The following IGF2R variants were observed in gnomAD, a reference collection of about 807,000 sequenced individuals.
IGF2R encodes insulin like growth factor 2 receptor, also known as cation-independent mannose-6-phosphate receptor.
IGF2R carries 91 observed loss-of-function variants against 270.6 expected under a neutral mutation model. That is an observed-to-expected ratio of 0.34 (90% CI 0.28 to 0.40). The LOEUF (loss-of-function observed/expected upper bound fraction) is 0.40, where lower values mean the gene tolerates loss of function less well. Among genes scored for constraint, IGF2R ranks in the 10% least tolerant of loss-of-function variants. The probability of loss-of-function intolerance (pLI) is 1.00; values close to 1 mark genes in which losing one functional copy is unlikely to be tolerated. For missense variants in IGF2R, 2,805 were observed against 3,188.3 expected, an observed-to-expected ratio of 0.88 and a Z score of 2.90; for synonymous variants, 1,316 against 1,258.9, an observed-to-expected ratio of 1.05 and a Z score of -0.96.
chr6:160,093,939 T>G, intron 44 of IGF2R: 1 of 701,734 alleles, frequency 1.4e-6, no homozygotes, highest in South Asian at 1.4e-5. Flanking sequence ...CAGACTTTGC[T>G]AAGGTTTTGG....
Position 160,087,437 on chromosome 6 carries a change from A to G in IGF2R, c.6206-596A>G, listed in dbSNP as rs561295261. On this transcript the variant is annotated intron_variant, in intron 41 of 47. Coordinates refer to ENST00000356956, the MANE Select transcript of IGF2R (RefSeq NM_000876.4). ...TGGACAGTGCCCTGTTCTGCAGGTA[A>G]GGCCCTCAAGGCTCAGAAGCTCAGC... Among the ~76,000 whole-genome samples the G allele has an allele frequency of 4.6e-5, 7 of 152,312 alleles. No individual in the cohort carries two copies. The South Asian group carries it at 1.0e-3, about 23-fold the overall frequency.
chr6:160,050,793 G>A lies in IGF2R; in HGVS notation c.2694+141G>A. The A allele has an allele frequency of 3.0e-6, 2 of 665,320 alleles. No individual in the cohort carries two copies. Among genetic ancestry groups the A allele is most frequent in the South Asian group, 4.4e-5 (2 of 45,272 alleles). 41.2% of individuals were successfully genotyped at this position (665,320 alleles called of 1,614,324 possible). ...TAGTTCTGCTTAAGGTCAGTGTGCG[G>A]TATATATGTTCACAGGCAGGGAGTG... On this transcript the variant is annotated intron_variant, in intron 19 of 47. Coordinates refer to ENST00000356956, the MANE Select transcript of IGF2R (RefSeq NM_000876.4). The surrounding 1 kb of genome is among the most constrained non-coding windows in gnomAD (Gnocchi z 4.0).
At chr6:160,040,110 T>C (rs1197226726) in intron 10 of IGF2R, among the ~76,000 whole-genome samples, 1 of 152,194 alleles carries the variant, frequency 6.6e-6, no homozygotes, top group African/African-American at 2.4e-5. Flanking sequence ...ACTTGTCTTG[T>C]TCACAGTCGC....
At position 160,080,260 on chromosome 6, in the gene IGF2R, G is replaced by C; in HGVS notation, c.5818G>C (p.Gly1940Arg). The C allele has an allele frequency of 5.6e-6, 9 of 1,614,010 alleles. No individual in the cohort carries two copies. The highest frequency in any genetic ancestry group is 7.6e-6 in the Non-Finnish European group (9 of 1,179,988). Reference sequence around the variant, plus strand: ...GGACTACGACAGAGACCACGAGTGGGGCTTCTGCAGACACTGTGAGTAGGA... The same window carrying C: ...GGACTACGACAGAGACCACGAGTGGCGCTTCTGCAGACACTGTGAGTAGGA... Reference protein sequence around the residue: ...TADYDRDHEWGFCRHSNSYRT... With the variant: ...TADYDRDHEWRFCRHSNSYRT... Residue 1940 changes from glycine to arginine, a missense_variant, in exon 39 of 48, where the codon GGC becomes CGC. Transcript: ENST00000356956.
At chr6:160,088,203 T>TC in intron 42 of IGF2R, 56 bp downstream of exon 42, 5 of 1,138,340 alleles carry the variant, frequency 4.4e-6, no homozygotes, top group Non-Finnish European at 6.7e-6. Flanking sequence ...TGGAGGGAAT[T>TC]CCTCCTTGGG....
intron 22 of IGF2R, among the ~76,000 whole-genome samples, chr6:160,059,736 TC>T (rs1778394121): frequency 6.6e-6 from 1 of 152,212 alleles, no homozygotes; most frequent in South Asian, 2.1e-4. Context: ...CTGCTGCTCT[TC>T]CCGCTTGGCC....
At chr6:160,081,561 C>T (rs911413447) in intron 39 of IGF2R, among the ~76,000 whole-genome samples, 15 of 152,178 alleles carry the variant, frequency 9.9e-5, no homozygotes, top group Non-Finnish European at 1.6e-4. Flanking sequence ...AACTAGAATT[C>T]GCCAGGCTGG....
Position 160,109,363 on chromosome 6 carries a change from G to A in IGF2R, c.*4279G>A, listed in dbSNP as rs1779694473. The A allele has an allele frequency of 2.0e-5, 3 of 152,238 alleles. No individual in the cohort carries two copies. The highest frequency in any genetic ancestry group is 7.2e-5 in the African/African-American group (3 of 41,458). The allele number at this position is 152,238 out of a possible 1,614,324, so 9.4% of individuals were successfully genotyped here. A position where few individuals can be genotyped will look rare whatever the true frequency, so the allele number is the denominator to read the frequency against. On this transcript the variant is annotated 3_prime_UTR_variant, in exon 48 of 48. Coordinates refer to ENST00000356956, the MANE Select transcript of IGF2R (RefSeq NM_000876.4). ...AAGCAGGAAGTCAGGTTCAAGAAAG[G>A]ACTTGTGACCTCACCCTTGGCTTCA...
chr6:160,044,701 G>GAAA, intron 13 of IGF2R, 44 bp downstream of exon 13: 4 of 1,524,016 alleles, frequency 2.6e-6, no homozygotes, highest in Non-Finnish European at 3.6e-6. Context: ...GCTTCTGCCA[G>GAAA]AGGTCCTGCA....
At chr6:160,024,925 CTG>C (rs1777526584) in intron 5 of IGF2R, among the ~76,000 whole-genome samples, 1 of 152,146 alleles carries the variant, frequency 6.6e-6, no homozygotes, top group African/African-American at 2.4e-5. Context: ...TCCATCCTAA[CTG>C]TTGATCCATT....
chr6:160,021,465 G>C (rs1161665255), intron 4 of IGF2R, among the ~76,000 whole-genome samples: 1 of 115,438 alleles, frequency 8.7e-6, no homozygotes, highest in Non-Finnish European at 1.7e-5. Context: ...CGGGGGGAGG[G>C]ATAGCATTAG....
chr6:160,097,426 T>C (rs1779388363), intron 45 of IGF2R, among the ~76,000 whole-genome samples: 1 of 152,170 alleles, frequency 6.6e-6, no homozygotes, highest in South Asian at 2.1e-4. Flanking sequence ...TGCCTCCTGG[T>C]TCAGACGATT....
In IGF2R at chr6:160,088,052, G is replaced by A. The variant is rs369118153; in HGVS notation, c.6225G>A (p.Thr2075=). ...TTTCAGGTGACAAAGTTGTTGTCACGTACTCCAAAGGTTATCCGTGTGGTG... is the reference window on the plus strand; with the variant it reads ...TTTCAGGTGACAAAGTTGTTGTCACATACTCCAAAGGTTATCCGTGTGGTG... ...LGVIGDKVVV[T]YSKGYPCGGN... The change falls in exon 42 of 48, where the codon ACG becomes ACA. Residue 2075 remains threonine, a synonymous_variant. Transcript: ENST00000356956. 8.6e-4 allele frequency: 1,380 copies of A among 1,611,210 alleles called. 27 individuals are homozygous for A. In the South Asian group the frequency reaches 0.013, roughly 15 times the overall value.
In IGF2R at chr6:160,064,544, C is replaced by T. The variant is rs745879247; in HGVS notation, c.4017+13C>T. The T allele has an allele frequency of 1.7e-5, 28 of 1,613,398 alleles. No individual in the cohort carries two copies. Among genetic ancestry groups the T allele is most frequent in the African/African-American group, 9.4e-5 (7 of 74,864 alleles). Reference sequence around the variant, plus strand: ...CGGCACCCAGCGGGTGAGCATGTACCGACGGCCCTCAGCGGGGTCTTCTCC... The same window carrying T: ...CGGCACCCAGCGGGTGAGCATGTACTGACGGCCCTCAGCGGGGTCTTCTCC... On this transcript the variant is annotated intron_variant, in intron 28 of 47. Transcript: ENST00000356956.
intron 35 of IGF2R, among the ~76,000 whole-genome samples, chr6:160,075,069 G>A (rs1191755036): frequency 6.6e-6 from 1 of 152,184 alleles, no homozygotes; most frequent in Non-Finnish European, 1.5e-5. Context: ...CACTGTAGCT[G>A]AGAACAAAAT....
intron 1 of IGF2R, among the ~76,000 whole-genome samples, chr6:159,969,819 C>T (rs1440525643): frequency 6.6e-6 from 1 of 152,182 alleles, no homozygotes; most frequent in Non-Finnish European, 1.5e-5. Context: ...ACCGGTGAGG[C>T]CCCTCGGTGT....
rs916003695 is a variant in IGF2R at position 160,050,409 on chromosome 6, C to A, written c.2515-64C>A. The A allele has an allele frequency of 7.5e-6, 11 of 1,472,334 alleles. No individual in the cohort carries two copies. The highest frequency in any genetic ancestry group is 1.0e-5 in the Non-Finnish European group (11 of 1,074,062). 91.2% of individuals were successfully genotyped at this position (1,472,334 alleles called of 1,614,324 possible). A position where few individuals can be genotyped will look rare whatever the true frequency, so the allele number is the denominator to read the frequency against. ...GCTGCAGCTTTATAGAATGTAACCA[C>A]CACCAATAACGAATCGACTGTATCT... is the stretch of plus-strand genomic sequence containing the variant. On this transcript the variant is annotated intron_variant, in intron 18 of 47. Coordinates refer to ENST00000356956, the MANE Select transcript of IGF2R (RefSeq NM_000876.4). The surrounding 1 kb of genome is among the most constrained non-coding windows in gnomAD (Gnocchi z 4.0).
At position 160,068,333 on chromosome 6, in the gene IGF2R, G is replaced by A. The variant is rs776906291; in HGVS notation, c.4200G>A (p.Pro1400=). 3.0e-5 allele frequency: 49 copies of A among 1,614,130 alleles called. No homozygotes were observed. The East Asian group carries it at 7.1e-4, about 23-fold the overall frequency. ...NWEAITGTGD[P]EHYLINVCKS... ...AAGCCATCACTGGGACGGGGGACCC[G>A]GAGCACTACCTCATCAATGTCTGCA... The change falls in exon 30 of 48, where the codon CCG becomes CCA. Residue 1400 remains proline, a synonymous_variant. Coordinates refer to ENST00000356956, the MANE Select transcript of IGF2R (RefSeq NM_000876.4).
chr6:160,073,759 C>T lies in IGF2R; in HGVS notation c.4950C>T (p.Thr1650=), dbSNP rs749422618. The T allele has an allele frequency of 1.2e-5, 19 of 1,613,172 alleles. No individual in the cohort carries two copies. The highest frequency in any genetic ancestry group is 4.0e-5 in the African/African-American group (3 of 74,862). The change falls in exon 35 of 48, where the codon ACC becomes ACT. Residue 1650 remains threonine, a splice_region_variant and synonymous_variant. Transcript: ENST00000356956. The part of the protein sequence containing the change: ...WHTPLACEQA[T]ECSVRNGSSI... Reference sequence around the variant, plus strand: ...AAGCAGTCTTTCCTACTTAACAGACCGAATGTTCCGTGAGGAATGGAAGCT... The same window carrying T: ...AAGCAGTCTTTCCTACTTAACAGACTGAATGTTCCGTGAGGAATGGAAGCT...
Sources: gnomAD v4.1 joint callset for allele counts (sites outside exome capture counted in the v4.1 genomes callset) on GRCh38, gnomAD v4.1.1 for gene constraint, Gnocchi (gnomAD v3.1) non-coding constraint, MANE v1.5 for transcripts, NCBI Gene and HGNC (gene_info 2026-07-23, HGNC 2026-07-21) for gene names.